The following TMEM132C variants were observed in gnomAD, a reference collection of about 807,000 sequenced individuals.
TMEM132C encodes transmembrane protein 132C.
In TMEM132C, 29 loss-of-function variants were observed where a neutral mutation model predicts 61.4. The ratio of observed to expected loss-of-function variants is 0.47; its 90% CI spans 0.35 to 0.64. The LOEUF (loss-of-function observed/expected upper bound fraction) is 0.64, where lower values mean the gene tolerates loss of function less well. Among genes scored for constraint, TMEM132C ranks in the 30% least tolerant of loss-of-function variants. The pLI, the probability that TMEM132C is intolerant of heterozygous loss-of-function variation, is 0.00. For synonymous variants in TMEM132C, 656 were observed against 633.1 expected (o/e 1.04, Z -0.54); for missense variants, 1,408 against 1,476.9 (o/e 0.95, Z 0.76).
intron 5 of TMEM132C, among the ~76,000 whole-genome samples, chr12:128,675,537 G>A (rs561508160): frequency 6.6e-6 from 1 of 152,282 alleles, no homozygotes; most frequent in South Asian, 2.1e-4. Context: ...GCAGTGACTG[G>A]ACAAAGTATA....
At chr12:128,522,370 A>C (rs1455162559) in intron 2 of TMEM132C, among the ~76,000 whole-genome samples, 1 of 152,190 alleles carries the variant, frequency 6.6e-6, no homozygotes, top group South Asian at 2.1e-4. Context: ...AGCCTCCTCC[A>C]TCAAAGGCTT....
At chr12:128,585,323 T>A (rs764335035) in intron 3 of TMEM132C, among the ~76,000 whole-genome samples, 4 of 151,940 alleles carry the variant, frequency 2.6e-5, no homozygotes, top group Non-Finnish European at 5.9e-5. Flanking sequence ...TGTCCTGGAG[T>A]GACAGGAGAT....
At chr12:128,294,663 C>T (rs74461450) in intron 1 of TMEM132C, among the ~76,000 whole-genome samples, 1,630 of 143,162 alleles carry the variant, frequency 0.011, 25 homozygotes, top group African/African-American at 0.037. Flanking sequence ...TGGTGAGAGC[C>T]GGCTTCCTGG....
chr12:128,458,822 C>T lies in TMEM132C; in HGVS notation c.974+43202C>T, dbSNP rs12299484. ...CAGGCTGGGCTTTGCTGCTCTGGCA[C>T]GTCACTGTTTTAAGAGCTCCATCTA... On this transcript the variant is annotated intron_variant, in intron 2 of 8. Transcript: ENST00000435159. 1.2e-3 allele frequency among the ~76,000 whole-genome samples: 184 copies of T among 150,672 alleles called. 2 individuals are homozygous for T. Among genetic ancestry groups the T allele is most frequent in the African/African-American group, 4.2e-3 (172 of 40,936 alleles).
intron 1 of TMEM132C, among the ~76,000 whole-genome samples, chr12:128,356,547 C>G (rs1292049607): frequency 3.3e-5 from 5 of 152,152 alleles, no homozygotes; most frequent in Admixed American, 6.5e-5. Context: ...TGTTTTACAC[C>G]CAGATACTAG....
chr12:128,275,746 C>G (rs745313726), intron 1 of TMEM132C, among the ~76,000 whole-genome samples: 8 of 152,212 alleles, frequency 5.3e-5, no homozygotes, highest in Non-Finnish European at 8.8e-5. Context: ...CAAAAGTGGA[C>G]TAGAGATACT....
In TMEM132C at chr12:128,578,589, T is replaced by TTTG. The variant is rs149602264; in HGVS notation, c.1121+34504_1121+34506dup. 6.8e-4 allele frequency among the ~76,000 whole-genome samples: 103 copies of TTTG among 152,034 alleles called. No individual in the cohort carries two copies. The South Asian group carries it at 7.9e-3, about 12-fold the overall frequency. On this transcript the variant is annotated intron_variant, in intron 3 of 8. Coordinates refer to ENST00000435159, the MANE Select transcript of TMEM132C (RefSeq NM_001136103.3). ...CTGAGAATGGAAAATTAAAGAGGTT[T>TTTG]TTGTTGTTGTTGTTGTTGTTATTGT...
intron 1 of TMEM132C, among the ~76,000 whole-genome samples, chr12:128,274,717 G>T (rs1033547594): frequency 6.6e-6 from 1 of 152,094 alleles, no homozygotes; most frequent in Non-Finnish European, 1.5e-5. Context: ...AGATTCCAGG[G>T]TGAAAGAAGC....
intron 3 of TMEM132C, among the ~76,000 whole-genome samples, chr12:128,585,599 T>C (rs909105172): frequency 1.3e-5 from 2 of 152,224 alleles, no homozygotes; most frequent in Non-Finnish European, 2.9e-5. Flanking sequence ...AACTGAAATA[T>C]TGTATAGCCA....
chr12:128,552,647 G>A (rs774292497), intron 3 of TMEM132C, among the ~76,000 whole-genome samples: 2 of 152,308 alleles, frequency 1.3e-5, no homozygotes, highest in South Asian at 2.1e-4. Context: ...GATGGCTCAC[G>A]CCTGTAACCC....
intron 2 of TMEM132C, among the ~76,000 whole-genome samples, chr12:128,450,832 G>A (rs1870153475): frequency 6.6e-6 from 1 of 152,212 alleles, no homozygotes; most frequent in Non-Finnish European, 1.5e-5. Context: ...CTCTGATTAT[G>A]ACGAGTTATT....
intron 2 of TMEM132C, among the ~76,000 whole-genome samples, chr12:128,523,082 G>A (rs1342164443): frequency 2.6e-5 from 4 of 152,156 alleles, no homozygotes; most frequent in Non-Finnish European, 5.9e-5. Flanking sequence ...GCCATAAAAA[G>A]GAAGGAAATT....
intron 2 of TMEM132C, among the ~76,000 whole-genome samples, chr12:128,525,500 G>T (rs1437315441): frequency 6.6e-6 from 1 of 152,176 alleles, no homozygotes; most frequent in Non-Finnish European, 1.5e-5. Context: ...GCTTTTTAAA[G>T]TATCTCTTGA....
intron 2 of TMEM132C, among the ~76,000 whole-genome samples, chr12:128,469,071 A>G (rs191126147): frequency 8.5e-5 from 13 of 152,150 alleles, no homozygotes; most frequent in African/African-American, 3.1e-4. Flanking sequence ...TTGAAGTTAC[A>G]TCAGACTTGT....
rs1020163688 is a variant in TMEM132C, at chr12:128,448,014, A to C, written c.974+32394A>C. 4.6e-5 allele frequency among the ~76,000 whole-genome samples: 7 copies of C among 152,228 alleles called. No homozygotes were observed. The East Asian group carries it at 1.2e-3, about 25-fold the overall frequency. ...GTGCTGGGTCAAGTGCTTTTTAGAAAAGCATAGTAATATAATTCCTAAAAC... is the reference window on the plus strand; with the variant it reads ...GTGCTGGGTCAAGTGCTTTTTAGAACAGCATAGTAATATAATTCCTAAAAC... On this transcript the variant is annotated intron_variant, in intron 2 of 8. Transcript: ENST00000435159.
At chr12:128,480,915 T>C (rs1376148533) in intron 2 of TMEM132C, among the ~76,000 whole-genome samples, 1 of 152,240 alleles carries the variant, frequency 6.6e-6, no homozygotes, top group Non-Finnish European at 1.5e-5. Context: ...ACATTTTCCC[T>C]GTCAGCTCAG....
chr12:128,364,159 A>T (rs991057839), intron 1 of TMEM132C, among the ~76,000 whole-genome samples: 6 of 152,106 alleles, frequency 3.9e-5, no homozygotes, highest in African/African-American at 1.2e-4. Context: ...ACCCATAACC[A>T]CATTTAGGGC....
chr12:128,362,530 T>G (rs1873738958), intron 1 of TMEM132C, among the ~76,000 whole-genome samples: 1 of 152,148 alleles, frequency 6.6e-6, no homozygotes. Flanking sequence ...CCACTACAGG[T>G]TGAGTATACC....
In TMEM132C at chr12:128,277,754, C is replaced by CCA. The variant is rs549248165; in HGVS notation, c.85+10270_85+10271dup. On this transcript the variant is annotated intron_variant, in intron 1 of 8. Transcript: ENST00000435159. Reference sequence around the variant, plus strand: ...GATGGCCACTTCTCACGGGTGTGCTCCACATTGTGGGGGCAGCCCACATGG... The same window carrying CCA: ...GATGGCCACTTCTCACGGGTGTGCTCCACACATTGTGGGGGCAGCCCACATGG... 3.6e-4 allele frequency among the ~76,000 whole-genome samples: 55 copies of CCA among 152,332 alleles called. No homozygotes were observed. In the South Asian group the frequency reaches 0.011, roughly 31 times the overall value.
Sources: allele counts gnomAD v4.1 joint callset (sites outside exome capture counted in the v4.1 genomes callset), GRCh38; gene constraint gnomAD v4.1.1; transcripts MANE v1.5; gene names NCBI Gene and HGNC (gene_info 2026-07-23, HGNC 2026-07-21).